The following SNRPN variants were observed in gnomAD, a reference collection of about 807,000 sequenced individuals.
SNRPN encodes small nuclear ribonucleoprotein polypeptide N, also known as small nuclear ribonucleoprotein-associated protein N.
SNRPN carries 7 observed loss-of-function variants against 25.2 expected under a neutral mutation model. The ratio of observed to expected loss-of-function variants is 0.28; its 90% CI spans 0.16 to 0.52. The LOEUF (loss-of-function observed/expected upper bound fraction) is 0.52, where lower values mean the gene tolerates loss of function less well. SNRPN is among the 20% of genes least tolerant of loss of function. The pLI, the probability that SNRPN is intolerant of heterozygous loss-of-function variation, is 0.96. For synonymous variants in SNRPN, 124 were observed against 110.6 expected (o/e 1.12, Z -0.76); for missense variants, 196 against 322.5 (o/e 0.61, Z 3.00).
intron 1 of SNRPN, among the ~76,000 whole-genome samples, chr15:24,877,671 CACACACACACACACACACACACACAA>C (rs1434711355): frequency 7.1e-6 from 1 of 140,442 alleles, no homozygotes; most frequent in South Asian, 2.2e-4. Flanking sequence ...AACACACACA[CACACACACACACACACACACACACAA>C]ACACACTAGC....
At chr15:24,827,199 GT>G (rs2050156509) in intron 1 of SNRPN, among the ~76,000 whole-genome samples, 2 of 151,998 alleles carry the variant, frequency 1.3e-5, no homozygotes, top group African/African-American at 4.8e-5. Context: ...GGGCATTATT[GT>G]ACACTACTGT....
intron 1 of SNRPN, among the ~76,000 whole-genome samples, chr15:24,827,114 A>C (rs574933380): frequency 6.6e-6 from 1 of 152,252 alleles, no homozygotes; most frequent in South Asian, 2.1e-4. Context: ...AGCAGATATC[A>C]TGAGTGGATT....
chr15:24,878,112 T>A (rs1400667837), intron 1 of SNRPN, among the ~76,000 whole-genome samples: 1 of 152,224 alleles, frequency 6.6e-6, no homozygotes, highest in Non-Finnish European at 1.5e-5. Context: ...ATACATATAT[T>A]CAGTACCACT....
intron 5 of SNRPN, among the ~76,000 whole-genome samples, 193 bp downstream of exon 5, chr15:24,975,702 A>C (rs1459610703): frequency 6.6e-6 from 1 of 152,216 alleles, no homozygotes. Flanking sequence ...TAAGTTTGTA[A>C]AACAATCATG....
intron 2 of SNRPN, among the ~76,000 whole-genome samples, chr15:24,902,548 C>T (rs1321823261): frequency 1.3e-5 from 2 of 152,152 alleles, no homozygotes; most frequent in East Asian, 1.9e-4. Context: ...TGAAGCCGTG[C>T]ACCCTGGCAG....
intron 1 of SNRPN, among the ~76,000 whole-genome samples, chr15:24,862,143 G>T (rs34733988): frequency 0.3 from 44,534 of 150,754 alleles, 7,642 homozygotes; most frequent in Non-Finnish European, 0.35. Context: ...TAACGCTATT[G>T]TAATAAAATT....
chr15:24,877,661 A>AACACACAC lies in SNRPN; in HGVS notation c.-578-8827_-578-8820dup, dbSNP rs72120147. Among the ~76,000 whole-genome samples the AACACACAC allele has an allele frequency of 8.1e-3, 1,179 of 144,744 alleles. 15 individuals carry two copies. Among genetic ancestry groups the AACACACAC allele is most frequent in the African/African-American group, 0.028 (1,099 of 39,064 alleles). 95.0% of individuals were successfully genotyped at this position (144,744 alleles called of 152,430 possible). On this transcript the variant is annotated intron_variant, in intron 1 of 11. Transcript: ENST00000400097. ...CCAATATGGTGAAACATCTCTACAA[A>AACACACAC]ACACACACACACACACACACACACA...
intron 2 of SNRPN, among the ~76,000 whole-genome samples, chr15:24,843,095 C>CA (rs2051842956): frequency 6.6e-6 from 1 of 151,890 alleles, no homozygotes; most frequent in Non-Finnish European, 1.5e-5. Flanking sequence ...TTTTTTAAGA[C>CA]AGAGTTTCGC....
chr15:24,835,716 T>C (rs1344325425), intron 2 of SNRPN, among the ~76,000 whole-genome samples: 2 of 152,142 alleles, frequency 1.3e-5, no homozygotes, highest in African/African-American at 4.8e-5. Flanking sequence ...ATGTACAACT[T>C]TTTAAACGTA....
chr15:24,948,471 A>G (rs1291746865), intron 3 of SNRPN, among the ~76,000 whole-genome samples: 2 of 152,072 alleles, frequency 1.3e-5, no homozygotes, highest in African/African-American at 4.8e-5. Flanking sequence ...CATGTGTCTC[A>G]TATGTTTCCC....
chr15:24,936,314 G>C (rs1353935284), intron 3 of SNRPN, among the ~76,000 whole-genome samples: 29 of 152,084 alleles, frequency 1.9e-4, no homozygotes, highest in Non-Finnish European at 8.8e-5. Context: ...GCCAAGTTAG[G>C]CTCCCATGTT....
At chr15:24,856,605 G>C (rs2053420275) in exon 1 of SNRPN, 1 of 152,160 alleles carries the variant, frequency 6.6e-6, no homozygotes, top group Non-Finnish European at 1.5e-5. Flanking sequence ...GCCGCCCCCT[G>C]TCTTCCCTCT....
chr15:24,863,267 T>C (rs2054173514), intron 1 of SNRPN, among the ~76,000 whole-genome samples: 1 of 150,718 alleles, frequency 6.6e-6, no homozygotes, highest in Non-Finnish European at 1.5e-5. Context: ...GGCTGGCTCA[T>C]GGCCACCTTG....
chr15:24,835,823 T>C (rs2051127109), intron 2 of SNRPN, among the ~76,000 whole-genome samples: 1 of 152,006 alleles, frequency 6.6e-6, no homozygotes. Context: ...AGGAAGTCAA[T>C]TTCTTTTTTC....
intron 8 of SNRPN, 112 bp downstream of exon 8, chr15:24,978,028 T>C: frequency 8.1e-7 from 1 of 1,230,130 alleles, no homozygotes; most frequent in Non-Finnish European, 1.1e-6. Context: ...TTCCTTCTTC[T>C]AGATACTGGT....
chr15:24,964,943 A>C (rs1479507175), intron 2 of SNRPN, among the ~76,000 whole-genome samples: 1 of 152,186 alleles, frequency 6.6e-6, no homozygotes, highest in South Asian at 2.1e-4. Flanking sequence ...TATATGTACA[A>C]ATACTGCAGG....
At chr15:24,841,783 C>T (rs77389685) in intron 2 of SNRPN, among the ~76,000 whole-genome samples, 1 of 152,142 alleles carries the variant, frequency 6.6e-6, no homozygotes, top group African/African-American at 2.4e-5. Flanking sequence ...TGACATTGTA[C>T]GTGTTAGTTC....
chr15:24,976,173 CTTGT>C (rs2077040011), intron 5 of SNRPN, 128 bp from the exon 6 acceptor site: 1 of 708,874 alleles, frequency 1.4e-6, no homozygotes, highest in East Asian at 2.7e-5. Context: ...TATTTTTTGG[CTTGT>C]TTTTCAGTGA....
At chr15:24,908,890 T>G (rs1055625418) in intron 2 of SNRPN, 4 of 797,562 alleles carry the variant, frequency 5.0e-6, no homozygotes, top group Non-Finnish European at 8.2e-6. Context: ...ATAAGTTTAT[T>G]GTCTGTATCT....
Sources: gnomAD v4.1 joint callset for allele counts (sites outside exome capture counted in the v4.1 genomes callset) on GRCh38, gnomAD v4.1.1 for gene constraint, MANE v1.5 for transcripts, NCBI Gene and HGNC (gene_info 2026-07-23, HGNC 2026-07-21) for gene names.